Variants in ABR observed in about 807,000 individuals in gnomAD.
ABR encodes ABR activator of RhoGEF and GTPase.
In ABR, 35 loss-of-function variants were observed where a neutral mutation model predicts 107.2. The ratio of observed to expected loss-of-function variants is 0.33; its 90% confidence interval spans 0.25 to 0.43. The LOEUF (loss-of-function observed/expected upper bound fraction) is 0.43. Ranked by LOEUF, ABR falls within the 20% of genes least tolerant of loss-of-function variation. ABR has a pLI of 1.00. For missense variants in ABR, 815 were observed against 1,115.2 expected, an observed-to-expected ratio of 0.73 and a Z score of 3.83; for synonymous variants, 498 against 462.0, an observed-to-expected ratio of 1.08 and a Z score of -1.00.
At chr17:1,128,789 C>A (rs892265283) in intron 1 of ABR, among the ~76,000 whole-genome samples, 2 of 142,322 alleles carry the variant, frequency 1.4e-5, no homozygotes, top group African/African-American at 5.2e-5. Context: ...TACCTCGGGA[C>A]GTTTTCACAA....
intron 1 of ABR, among the ~76,000 whole-genome samples, chr17:1,135,245 C>G (rs553903562): frequency 1.3e-5 from 2 of 152,104 alleles, no homozygotes; most frequent in Non-Finnish European, 2.9e-5. Context: ...CTGAGAGCCT[C>G]GTGAGCTGAG....
chr17:1,058,407 T>G (rs2033583769), intron 11 of ABR, among the ~76,000 whole-genome samples: 2 of 152,098 alleles, frequency 1.3e-5, no homozygotes, highest in South Asian at 4.1e-4. Flanking sequence ...CCCAAAGTGC[T>G]GGGATGACAG....
intron 17 of ABR, 24 bp from the exon 18 acceptor site, chr17:1,012,821 A>C: frequency 6.5e-7 from 1 of 1,543,376 alleles, no homozygotes; most frequent in Non-Finnish European, 8.8e-7. Flanking sequence ...GAGGCAGGTA[A>C]AGATTCCCCA....
chr17:1,127,450 C>T (rs902132710), intron 1 of ABR, among the ~76,000 whole-genome samples: 20 of 152,196 alleles, frequency 1.3e-4, no homozygotes, highest in Non-Finnish European at 2.5e-4. Flanking sequence ...TCTGGTCCTT[C>T]CAGGGGGAGG....
intron 14 of ABR, among the ~76,000 whole-genome samples, chr17:1,053,610 G>A (rs1348415445): frequency 1.3e-5 from 2 of 152,158 alleles, no homozygotes; most frequent in Non-Finnish European, 2.9e-5. Flanking sequence ...GTTTACCACG[G>A]CTGAAGACAC....
chr17:1,191,015 G>A (rs1164528823), upstream of ABR, among the ~76,000 whole-genome samples: 2 of 152,186 alleles, frequency 1.3e-5, no homozygotes, highest in African/African-American at 4.8e-5. Context: ...CGACTTCTGC[G>A]GCTGCAGATT....
At chr17:1,100,246 C>T (rs373563798) in intron 3 of ABR, among the ~76,000 whole-genome samples, 10 of 151,972 alleles carry the variant, frequency 6.6e-5, no homozygotes, top group African/African-American at 2.2e-4. Flanking sequence ...GGACACAAGA[C>T]GGCAGAGACT....
intron 16 of ABR, among the ~76,000 whole-genome samples, chr17:1,017,810 C>G (rs1287366638): frequency 6.6e-6 from 1 of 152,000 alleles, no homozygotes; most frequent in Non-Finnish European, 1.5e-5. Flanking sequence ...ACCATGTTGC[C>G]CAGGCTGGTC....
chr17:1,128,558 G>A (rs1243104971), intron 1 of ABR, among the ~76,000 whole-genome samples: 3 of 152,250 alleles, frequency 2.0e-5, no homozygotes, highest in African/African-American at 7.2e-5. Flanking sequence ...CTTGCAGGAA[G>A]CTGCTGGAAG....
Position 1,023,090 on chromosome 17 carries a change from G to C in ABR, c.1792-9926C>G, listed in dbSNP as rs1320806832. 2.4e-3 allele frequency among the ~76,000 whole-genome samples: 276 copies of C among 114,616 alleles called. 16 individuals are homozygous for C. The highest frequency in any genetic ancestry group is 0.023 in the East Asian group (81 of 3,598). The allele number at this position is 114,616 out of a possible 152,430, so 75.2% of individuals were successfully genotyped here. A position where few individuals can be genotyped will look rare whatever the true frequency, so the allele number is the denominator to read the frequency against. ...CGCCTCTGCCGGCCCCACGTCCACT[G>C]CAGAGCCTCTGCCGGCCCCACGTCC... On this transcript the variant is annotated intron_variant, in intron 16 of 22. Coordinates refer to ENST00000302538, the MANE Select transcript of ABR (RefSeq NM_021962.5).
At chr17:1,172,790 G>A (rs549234608) in intron 1 of ABR, among the ~76,000 whole-genome samples, 1 of 151,784 alleles carries the variant, frequency 6.6e-6, no homozygotes, top group South Asian at 2.1e-4. Context: ...CCCCACAGCA[G>A]CAATGGACTT....
Position 1,005,417 on chromosome 17 carries a change from GGCA to G in ABR, c.*660_*662del. On this transcript the variant is annotated 3_prime_UTR_variant, in exon 23 of 23. Coordinates refer to ENST00000302538, the MANE Select transcript of ABR (RefSeq NM_021962.5). The stretch of plus-strand genomic sequence containing the variant: ...TGTCTGCTTGTCCAACATTTGCACA[GGCA>G]GCAAGGCAAAGCAGGTGTGCTCCCA... 2.8e-6 allele frequency: 1 copy of G among 351,162 alleles called. No individual in the cohort carries two copies. Among genetic ancestry groups the G allele is most frequent in the Non-Finnish European group, 5.1e-6 (1 of 196,210 alleles). 21.8% of individuals were successfully genotyped at this position (351,162 alleles called of 1,614,324 possible).
intron 2 of ABR, among the ~76,000 whole-genome samples, chr17:1,109,641 A>G (rs1321778664): frequency 6.6e-6 from 1 of 151,564 alleles, no homozygotes; most frequent in African/African-American, 2.4e-5. Context: ...CGACCCCCAG[A>G]GCCACCCCGG....
intron 16 of ABR, among the ~76,000 whole-genome samples, chr17:1,025,665 T>C (rs2072137351): frequency 6.6e-6 from 1 of 152,192 alleles, no homozygotes; most frequent in Non-Finnish European, 1.5e-5. Flanking sequence ...TGAATTCTTC[T>C]TGTCATTTAA....
rs1177010749 is a variant in ABR at position 1,011,450 on chromosome 17, A to G, written c.2101+396T>C. 5.9e-6 allele frequency: 1 copy of G among 170,068 alleles called. No homozygotes were observed. The highest frequency in any genetic ancestry group is 1.7e-4 in the East Asian group (1 of 5,940). 10.5% of individuals were successfully genotyped at this position (170,068 alleles called of 1,614,324 possible). A position where few individuals can be genotyped will look rare whatever the true frequency, so the allele number is the denominator to read the frequency against. ...GTCAGGCCTCACCATGGTGGGCTTC[A>G]CGCAGAGGCAGCACTGCCCCAGAGG... On this transcript the variant is annotated intron_variant, in intron 19 of 22. Transcript: ENST00000302538. This position sits in a 1 kb window ranked among gnomAD's most constrained non-coding sequence, Gnocchi z 4.8.
chr17:1,208,813 G>A (rs896759308), intron 1 of ABR, among the ~76,000 whole-genome samples: 33 of 151,732 alleles, frequency 2.2e-4, no homozygotes, highest in African/African-American at 7.8e-4. Flanking sequence ...GCATGAACCC[G>A]GGAGGTGGAG....
chr17:1,205,864 A>G (rs11650637), intron 1 of ABR, among the ~76,000 whole-genome samples: 1 of 151,982 alleles, frequency 6.6e-6, no homozygotes, highest in Non-Finnish European at 1.5e-5. Context: ...AATCACTTGA[A>G]CCAGGAGGTG....
Position 1,057,931 on chromosome 17 carries a change from C to T in ABR, c.1381+39G>A, listed in dbSNP as rs77028840. 3.5e-3 allele frequency: 5,526 copies of T among 1,569,472 alleles called. 168 individuals carry two copies. In the African/African-American group the frequency reaches 0.063, roughly 18 times the overall value. On this transcript the variant is annotated intron_variant, in intron 12 of 22. Transcript: ENST00000302538. ...AAATACAAAAGGCCCATCAATGCCA[C>T]GGACATCATTGGGGAGCGTGGAAGA... is the stretch of plus-strand genomic sequence containing the variant.
rs3744755 is a variant in ABR, at chr17:1,004,989, G to A, written c.*1091C>T. The A allele has an allele frequency of 0.2, 79,584 of 398,862 alleles. 8,153 individuals carry two copies. Among genetic ancestry groups the A allele is most frequent in the Middle Eastern group, 0.25 (393 of 1,588 alleles). The allele number at this position is 398,862 out of a possible 1,614,324, so 24.7% of individuals were successfully genotyped here. On this transcript the variant is annotated 3_prime_UTR_variant, in exon 23 of 23. Transcript: ENST00000302538. The stretch of plus-strand genomic sequence containing the variant: ...GCCTACCTGCCTGGACACCTGCTTC[G>A]GCCACATCAGTCACCCTCCAGGAAG...
Sources: allele counts gnomAD v4.1 joint callset (sites outside exome capture counted in the v4.1 genomes callset), GRCh38; gene constraint gnomAD v4.1.1; non-coding constraint Gnocchi (gnomAD v3.1); transcripts MANE v1.5; gene names NCBI Gene and HGNC (gene_info 2026-07-23, HGNC 2026-07-21).